Variants in ASPRV1 observed in about 807,000 individuals in gnomAD.
The protein encoded by ASPRV1 is aspartic peptidase retroviral like 1.
ASPRV1 carries 7 observed loss-of-function variants against 11.0 expected under a neutral mutation model. That is an observed-to-expected ratio of 0.64 (90% CI 0.36 to 1.20). The LOEUF is 1.20. Ranked by LOEUF, ASPRV1 falls within the 50% of genes most tolerant of loss-of-function variation. ASPRV1 has a pLI of 0.02. For synonymous variants in ASPRV1, 136 were observed against 138.4 expected (o/e 0.98, Z 0.12); for missense variants, 299 against 320.0 (o/e 0.93, Z 0.50).
chr2:69,986,188 C>T, the ASPRV1 span, among the ~76,000 whole-genome samples: 5 of 152,204 alleles, frequency 3.3e-5, no homozygotes, highest in African/African-American at 9.7e-5. Flanking sequence ...ATATGAATCC[C>T]AATCAAAAGA....
At chr2:69,937,029 C>T in the ASPRV1 span, 5 of 703,340 alleles carry the variant, frequency 7.1e-6, no homozygotes, top group Admixed American at 2.0e-5. Context: ...GACAAGTACC[C>T]CCAGCACTGG....
the ASPRV1 span, among the ~76,000 whole-genome samples, chr2:70,009,652 T>C: frequency 5.3e-5 from 8 of 152,274 alleles, no homozygotes; most frequent in South Asian, 6.2e-4. Context: ...CTTAAATAAA[T>C]AAATACCCAC....
At chr2:70,056,058 A>G in the ASPRV1 span, 3 of 152,222 alleles carry the variant, frequency 2.0e-5, no homozygotes, top group Non-Finnish European at 4.4e-5. Context: ...AATGAACCCT[A>G]ACACATTATG....
At chr2:70,010,821 G>C in the ASPRV1 span, among the ~76,000 whole-genome samples, 1 of 152,078 alleles carries the variant, frequency 6.6e-6, no homozygotes, top group African/African-American at 2.4e-5. Flanking sequence ...CACTGCACTG[G>C]GTCCTAATGA....
chr2:69,938,518 A>G, the ASPRV1 span: 21 of 475,712 alleles, frequency 4.4e-5, no homozygotes, highest in Non-Finnish European at 7.9e-5. Context: ...TATACATTCC[A>G]ATCAATTTGA....
the ASPRV1 span, among the ~76,000 whole-genome samples, chr2:69,991,369 T>C: frequency 4.6e-5 from 7 of 152,218 alleles, no homozygotes; most frequent in Non-Finnish European, 1.0e-4. Flanking sequence ...CACTATGTAT[T>C]TGAACGAATC....
the ASPRV1 span, among the ~76,000 whole-genome samples, chr2:70,017,247 T>G: frequency 6.6e-6 from 1 of 152,166 alleles, no homozygotes; most frequent in Non-Finnish European, 1.5e-5. Flanking sequence ...CACCTCAGCC[T>G]CCCAAAGTGC....
At chr2:70,035,602 G>C in the ASPRV1 span, among the ~76,000 whole-genome samples, 1 of 150,992 alleles carries the variant, frequency 6.6e-6, no homozygotes, top group African/African-American at 2.4e-5. Flanking sequence ...TCTAGCAATT[G>C]CAAGAAAATT....
chr2:70,040,010 T>C, the ASPRV1 span, among the ~76,000 whole-genome samples: 4 of 152,116 alleles, frequency 2.6e-5, no homozygotes, highest in South Asian at 2.1e-4. Context: ...TGATGAACAA[T>C]ATAATTTGGC....
At chr2:70,057,357 T>C in the ASPRV1 span, among the ~76,000 whole-genome samples, 1 of 152,230 alleles carries the variant, frequency 6.6e-6, no homozygotes, top group Non-Finnish European at 1.5e-5. Flanking sequence ...ACACTAACCA[T>C]AAATACAATT....
the ASPRV1 span, chr2:70,070,537 C>T: frequency 6.6e-6 from 1 of 152,234 alleles, no homozygotes; most frequent in African/African-American, 2.4e-5. Flanking sequence ...GTGGCTCACG[C>T]CTGTAATCCC....
chr2:70,063,894 T>A, the ASPRV1 span: 5 of 152,346 alleles, frequency 3.3e-5, no homozygotes, highest in Non-Finnish European at 7.3e-5. Context: ...CTTCTTACAC[T>A]CTACTCACTA....
the ASPRV1 span, among the ~76,000 whole-genome samples, chr2:70,084,895 A>C: frequency 6.6e-6 from 1 of 152,354 alleles, no homozygotes; most frequent in Non-Finnish European, 1.5e-5. Flanking sequence ...AGTTATATAA[A>C]CTAACATGAA....
At chr2:70,004,484 C>G in the ASPRV1 span, among the ~76,000 whole-genome samples, 2 of 140,714 alleles carry the variant, frequency 1.4e-5, no homozygotes, top group African/African-American at 5.4e-5. Context: ...GAGCTGAGAT[C>G]GTGCCACTGT....
chr2:69,998,846 CT>C, the ASPRV1 span, among the ~76,000 whole-genome samples: 1 of 152,198 alleles, frequency 6.6e-6, no homozygotes, highest in Non-Finnish European at 1.5e-5. Context: ...GGAGAGGGCA[CT>C]GGCTAGAGGC....
At chr2:69,951,415 C>G in the ASPRV1 span, among the ~76,000 whole-genome samples, 1 of 123,820 alleles carries the variant, frequency 8.1e-6, no homozygotes, top group Non-Finnish European at 1.6e-5. Flanking sequence ...CAGAGCAAGA[C>G]TCCATCTCAA....
chr2:69,958,279 C>T (rs1677985214), downstream of ASPRV1, among the ~76,000 whole-genome samples: 2 of 152,172 alleles, frequency 1.3e-5, no homozygotes, highest in Admixed American at 1.3e-4. Context: ...TCCATGGGGG[C>T]CATGCTTCAG....
the ASPRV1 span, among the ~76,000 whole-genome samples, chr2:70,039,638 C>T: frequency 6.6e-6 from 1 of 152,174 alleles, no homozygotes; most frequent in South Asian, 2.1e-4. Context: ...GGATCATATG[C>T]CCCACCTCTT....
At chr2:70,052,995 C>T in the ASPRV1 span, among the ~76,000 whole-genome samples, 1 of 152,146 alleles carries the variant, frequency 6.6e-6, no homozygotes, top group Admixed American at 6.5e-5. Context: ...CAGAGTCAAG[C>T]CCTTTTTGGC....
Sources: allele counts gnomAD v4.1 joint callset (sites outside exome capture counted in the v4.1 genomes callset), GRCh38; gene constraint gnomAD v4.1.1; transcripts MANE v1.5; gene names NCBI Gene and HGNC (gene_info 2026-07-23, HGNC 2026-07-21).